The following OSBPL8 variants were observed in gnomAD, a reference collection of about 807,000 sequenced individuals.
OSBPL8 encodes oxysterol-binding protein-related protein 8.
A neutral mutation model predicts 125.5 loss-of-function variants in OSBPL8; 59 were observed. The ratio of observed to expected loss-of-function variants is 0.47; its 90% CI spans 0.38 to 0.58. OSBPL8 has a LOEUF of 0.58. Among genes scored for constraint, OSBPL8 ranks in the 20% least tolerant of loss-of-function variants. The probability of loss-of-function intolerance (pLI) is 0.00; values close to 1 mark genes in which losing one functional copy is unlikely to be tolerated. For missense variants in OSBPL8, 758 were observed against 1,047.8 expected (o/e 0.72, Z 3.82); for synonymous variants, 330 against 338.9 (o/e 0.97, Z 0.29).
intron 2 of OSBPL8, among the ~76,000 whole-genome samples, chr12:76,479,629 T>G (rs1169738002): frequency 6.6e-6 from 1 of 152,284 alleles, no homozygotes; most frequent in Non-Finnish European, 1.5e-5. Context: ...CAAAAAAAAT[T>G]TGAACCTTGA....
chr12:76,438,255 G>C (rs995805221), intron 4 of OSBPL8, among the ~76,000 whole-genome samples: 2 of 151,514 alleles, frequency 1.3e-5, no homozygotes, highest in Non-Finnish European at 2.9e-5. Context: ...CAAAGTGCTG[G>C]GATTACAGGC....
At chr12:76,555,292 T>C (rs760557045) in intron 1 of OSBPL8, among the ~76,000 whole-genome samples, 8 of 152,172 alleles carry the variant, frequency 5.3e-5, no homozygotes, top group Non-Finnish European at 1.2e-4. Flanking sequence ...GCTACACATA[T>C]CCCTTACTTT....
chr12:76,450,752 A>T, intron 4 of OSBPL8, 99 bp downstream of exon 4: 1 of 1,270,316 alleles, frequency 7.9e-7, no homozygotes, highest in South Asian at 1.6e-5. Flanking sequence ...ATAGTTAAAA[A>T]GAAAAAAAAT....
chr12:76,443,817 T>C (rs576059664), intron 4 of OSBPL8, among the ~76,000 whole-genome samples: 1 of 152,280 alleles, frequency 6.6e-6, no homozygotes, highest in South Asian at 2.1e-4. Flanking sequence ...CTTACATATC[T>C]GTCTTTCTTA....
intron 1 of OSBPL8, among the ~76,000 whole-genome samples, chr12:76,526,486 C>A (rs956097812): frequency 6.6e-6 from 1 of 151,650 alleles, no homozygotes; most frequent in South Asian, 2.1e-4. Flanking sequence ...TTTTTTTTTA[C>A]TGGCCTTTAA....
intron 21 of OSBPL8, among the ~76,000 whole-genome samples, chr12:76,360,990 A>G (rs1952184242): frequency 6.6e-6 from 1 of 151,824 alleles, no homozygotes; most frequent in South Asian, 2.1e-4. Flanking sequence ...CATTTTCCCC[A>G]TTTTCTTGGG....
intron 1 of OSBPL8, among the ~76,000 whole-genome samples, chr12:76,522,692 G>A (rs1250524549): frequency 6.6e-6 from 1 of 152,154 alleles, no homozygotes; most frequent in Non-Finnish European, 1.5e-5. Flanking sequence ...CATGCTTCCT[G>A]TGCAGCCTGA....
intron 4 of OSBPL8, among the ~76,000 whole-genome samples, chr12:76,436,750 GA>G (rs1410523381): frequency 6.6e-6 from 1 of 151,888 alleles, no homozygotes; most frequent in African/African-American, 2.4e-5. Flanking sequence ...CCTTTGAAAA[GA>G]AAGAATAAAC....
intron 1 of OSBPL8, among the ~76,000 whole-genome samples, chr12:76,549,742 AG>A (rs1366042025): frequency 6.6e-6 from 1 of 152,232 alleles, no homozygotes; most frequent in Non-Finnish European, 1.5e-5. Context: ...CAATCCTTTC[AG>A]GGTTCTAAAG....
rs766232059 is a variant in OSBPL8, at chr12:76,392,605, T to C, written c.905A>G (p.Asn302Ser). 67 of 1,613,296 alleles carry C rather than the reference T, an allele frequency of 4.2e-5. No homozygotes were observed. The highest frequency in any genetic ancestry group is 5.3e-5 in the Non-Finnish European group (63 of 1,179,426). The change falls in exon 10 of 24, where the codon AAT becomes AGT. Residue 302 changes from asparagine (N) to serine (S), a missense_variant. By Grantham distance (46) the Asn-to-Ser change is conservative. Coordinates refer to ENST00000261183, the MANE Select transcript of OSBPL8 (RefSeq NM_020841.5). ...VTFYGLLRAN[N>S]LHSGDNFQLN... ...CTGGAAGTTATCACCACTGTGGAGA[T>C]TGTTAGCACGTAGTAAGCCATAGAA...
chr12:76,374,098 ATAATACT>A (rs556760640), intron 17 of OSBPL8, among the ~76,000 whole-genome samples: 1 of 152,278 alleles, frequency 6.6e-6, no homozygotes, highest in African/African-American at 2.4e-5. Flanking sequence ...ATTGCATCAA[ATAATACT>A]TAAGAGGTCT....
chr12:76,508,740 T>C (rs1440637750), intron 1 of OSBPL8, among the ~76,000 whole-genome samples: 4 of 152,194 alleles, frequency 2.6e-5, no homozygotes, highest in Non-Finnish European at 5.9e-5. Flanking sequence ...ATACTAAAGA[T>C]ACTCTCACCA....
chr12:76,499,900 T>C (rs1019990005), intron 1 of OSBPL8, among the ~76,000 whole-genome samples: 1 of 151,946 alleles, frequency 6.6e-6, no homozygotes, highest in African/African-American at 2.4e-5. Context: ...CCCATAATGC[T>C]CAAGTTTCCC....
intron 1 of OSBPL8, among the ~76,000 whole-genome samples, chr12:76,556,686 C>T (rs1248083387): frequency 6.6e-6 from 1 of 152,178 alleles, no homozygotes; most frequent in Non-Finnish European, 1.5e-5. Context: ...TTTTTTGAGA[C>T]TGAGTCTTGC....
Position 76,355,666 on chromosome 12 carries a change from ATG to A in OSBPL8, c.*221_*222del, listed in dbSNP as rs1027377038. The A allele has an allele frequency of 4.3e-6, 2 of 462,854 alleles. No homozygotes were observed. Among genetic ancestry groups the A allele is most frequent in the African/African-American group, 4.0e-5 (2 of 49,708 alleles). The allele number at this position is 462,854 out of a possible 1,614,324, so 28.7% of individuals were successfully genotyped here. A position where few individuals can be genotyped will look rare whatever the true frequency, so the allele number is the denominator to read the frequency against. On this transcript the variant is annotated 3_prime_UTR_variant, in exon 24 of 24. Coordinates refer to ENST00000261183, the MANE Select transcript of OSBPL8 (RefSeq NM_020841.5). ...AGACACATTCTCACAAAAGCTAGAA[ATG>A]TCCTGGCACTTAACACATAGCTCAC...
chr12:76,553,623 T>C (rs1046010885), intron 1 of OSBPL8, among the ~76,000 whole-genome samples: 12 of 149,248 alleles, frequency 8.0e-5, no homozygotes, highest in African/African-American at 2.7e-4. Flanking sequence ...CAGTGAGCCA[T>C]GGTAGTGAGT....
chr12:76,472,625 C>A (rs1482408825), intron 2 of OSBPL8, among the ~76,000 whole-genome samples: 2 of 152,292 alleles, frequency 1.3e-5, no homozygotes, highest in Non-Finnish European at 1.5e-5. Context: ...GGTCACGTGT[C>A]CACTGGACAG....
chr12:76,519,111 AC>A (rs1349851646), intron 1 of OSBPL8, among the ~76,000 whole-genome samples: 2 of 152,068 alleles, frequency 1.3e-5, no homozygotes, highest in Non-Finnish European at 2.9e-5. Context: ...ATAAGTTCCA[AC>A]TTTAAGTTAT....
intron 3 of OSBPL8, among the ~76,000 whole-genome samples, 154 bp from the exon 4 acceptor site, chr12:76,451,142 T>G (rs1169987930): frequency 6.6e-6 from 1 of 152,218 alleles, no homozygotes; most frequent in Non-Finnish European, 1.5e-5. Flanking sequence ...ACAGTCATCT[T>G]GTTTTCATGT....
Sources: allele counts gnomAD v4.1 joint callset (sites outside exome capture counted in the v4.1 genomes callset), GRCh38; gene constraint gnomAD v4.1.1; transcripts MANE v1.5; gene names NCBI Gene and HGNC (gene_info 2026-07-23, HGNC 2026-07-21).